Variants in WWOX observed in about 807,000 individuals in gnomAD.
The protein encoded by WWOX is WW domain containing oxidoreductase.
A neutral mutation model predicts 46.2 loss-of-function variants in WWOX; 69 were observed. The observed-to-expected ratio is 1.49, with a 90% CI of 1.23 to 1.82. The LOEUF (loss-of-function observed/expected upper bound fraction) is 1.82. Ranked by LOEUF, WWOX falls within the 40% of genes most tolerant of loss-of-function variation. The pLI is 0.00. For synonymous variants in WWOX, 359 were observed against 202.6 expected (o/e 1.77, Z -6.56); for missense variants, 919 against 542.6 (o/e 1.69, Z -6.89).
chr16:78,972,444 C>G (rs1597223373), intron 8 of WWOX, among the ~76,000 whole-genome samples: 1 of 145,242 alleles, frequency 6.9e-6, no homozygotes, highest in Non-Finnish European at 1.5e-5. Context: ...GAAATAGTCA[C>G]TGGAAGGAAG....
At chr16:79,159,982 G>T (rs897777475) in intron 8 of WWOX, among the ~76,000 whole-genome samples, 1 of 152,132 alleles carries the variant, frequency 6.6e-6, no homozygotes, top group Non-Finnish European at 1.5e-5. Flanking sequence ...GGGGCTTTGG[G>T]ATTTGGGGCT....
intron 8 of WWOX, among the ~76,000 whole-genome samples, chr16:78,827,682 A>T (rs12447490): frequency 0.13 from 19,681 of 151,666 alleles, 1,516 homozygotes; most frequent in Non-Finnish European, 0.18. Context: ...AAAATAAAAA[A>T]AAAAAAAAAT....
rs1455120637 is a variant in WWOX at position 78,207,701 on chromosome 16, C to A, written c.516+43412C>A. Among the ~76,000 whole-genome samples the A allele has an allele frequency of 3.4e-5, 5 of 146,216 alleles. 1 individual carries two copies. In the East Asian group the frequency reaches 1.0e-3, roughly 30 times the overall value. ...GTGCATTGCTGGGATGATGAGGCTG[C>A]AGTGGGCTGTGATTGTGCCACTGCA... On this transcript the variant is annotated intron_variant, in intron 5 of 8. Coordinates refer to ENST00000566780, the MANE Select transcript of WWOX (RefSeq NM_016373.4).
intron 8 of WWOX, among the ~76,000 whole-genome samples, chr16:78,640,151 G>T (rs2046668058): frequency 6.6e-6 from 1 of 151,080 alleles, no homozygotes; most frequent in South Asian, 2.1e-4. Flanking sequence ...GAGGCCGATA[G>T]AGAGTGTCTG....
At chr16:78,604,384 T>C (rs1236177625) in intron 8 of WWOX, among the ~76,000 whole-genome samples, 2 of 152,100 alleles carry the variant, frequency 1.3e-5, no homozygotes, top group African/African-American at 2.4e-5. Context: ...CCCTCGTTTA[T>C]TCAGCAAATA....
chr16:78,665,122 G>T (rs969029367), intron 8 of WWOX, among the ~76,000 whole-genome samples: 1 of 152,190 alleles, frequency 6.6e-6, no homozygotes, highest in South Asian at 2.1e-4. Flanking sequence ...AGATAGCAGA[G>T]CCCGGGGCTT....
intron 4 of WWOX, among the ~76,000 whole-genome samples, chr16:78,133,835 G>C (rs1392280332): frequency 6.6e-6 from 1 of 152,228 alleles, no homozygotes; most frequent in South Asian, 2.1e-4. Context: ...AAAAGCAAGG[G>C]AGATACCTGC....
intron 8 of WWOX, among the ~76,000 whole-genome samples, chr16:78,894,018 CTTT>C (rs1156813849): frequency 1.5e-4 from 5 of 33,722 alleles, no homozygotes; most frequent in Non-Finnish European, 1.5e-4. Flanking sequence ...TTTATTGAGG[CTTT>C]TATTATTATT....
At chr16:78,654,741 A>C (rs1266164388) in intron 8 of WWOX, among the ~76,000 whole-genome samples, 9 of 151,874 alleles carry the variant, frequency 5.9e-5, no homozygotes, top group Admixed American at 5.9e-4. Context: ...AATTTTTTTA[A>C]CCTTTCTTAA....
At chr16:78,733,496 C>G (rs916821011) in intron 8 of WWOX, among the ~76,000 whole-genome samples, 1 of 151,386 alleles carries the variant, frequency 6.6e-6, no homozygotes, top group Non-Finnish European at 1.5e-5. Flanking sequence ...GCCTGTAATC[C>G]CAGCACTCTG....
intron 8 of WWOX, among the ~76,000 whole-genome samples, chr16:78,965,635 G>A (rs760306436): frequency 3.3e-5 from 5 of 151,662 alleles, no homozygotes; most frequent in African/African-American, 1.2e-4. Flanking sequence ...GAAGATTCTG[G>A]CACTGTTAGC....
intron 8 of WWOX, among the ~76,000 whole-genome samples, chr16:79,132,754 A>C (rs1299992583): frequency 6.6e-6 from 1 of 152,266 alleles, no homozygotes; most frequent in Non-Finnish European, 1.5e-5. Flanking sequence ...AAGCCTCTTT[A>C]ATTCTAAATT....
In WWOX at chr16:79,029,456, T is replaced by G. The variant is rs1226523979; in HGVS notation, c.1057-182152T>G. 2.6e-5 allele frequency among the ~76,000 whole-genome samples: 4 copies of G among 152,336 alleles called. No individual in the cohort carries two copies. In the South Asian group the frequency reaches 8.3e-4, roughly 32 times the overall value. On this transcript the variant is annotated intron_variant, in intron 8 of 8. Coordinates refer to ENST00000566780, the MANE Select transcript of WWOX (RefSeq NM_016373.4). The stretch of plus-strand genomic sequence containing the variant: ...TAAAGGGTTCTGATGTGTGATAAAT[T>G]TATTTAGCTATTACTCATCTGAAGT...
chr16:78,235,737 C>G (rs1253682858), intron 5 of WWOX, among the ~76,000 whole-genome samples: 1 of 152,160 alleles, frequency 6.6e-6, no homozygotes, highest in African/African-American at 2.4e-5. Context: ...GCTGTCCTCA[C>G]GTCATGGGCG....
intron 8 of WWOX, among the ~76,000 whole-genome samples, chr16:78,600,854 G>A (rs192811463): frequency 5.3e-5 from 8 of 152,216 alleles, no homozygotes; most frequent in South Asian, 2.1e-4. Context: ...GGTGACTCAC[G>A]CCTAGAATCC....
At chr16:78,949,584 G>C (rs2046017358) in intron 8 of WWOX, among the ~76,000 whole-genome samples, 1 of 152,324 alleles carries the variant, frequency 6.6e-6, no homozygotes, top group East Asian at 1.9e-4. Flanking sequence ...ATGTCATGCT[G>C]TACTACTTTT....
At chr16:78,496,269 C>T (rs575688602) in intron 8 of WWOX, 2 of 152,230 alleles carry the variant, frequency 1.3e-5, no homozygotes, top group Non-Finnish European at 2.9e-5. Context: ...TTTCATTTTC[C>T]CGTTGCTTAA....
chr16:78,825,656 G>C (rs2051632638), intron 8 of WWOX: 1 of 525,086 alleles, frequency 1.9e-6, no homozygotes, highest in African/African-American at 1.9e-5. Flanking sequence ...GGTTCATCAT[G>C]AATAGGGGGG....
chr16:78,270,072 A>T (rs1314764440), intron 5 of WWOX: 1 of 152,034 alleles, frequency 6.6e-6, no homozygotes, highest in Non-Finnish European at 1.5e-5. Flanking sequence ...CTGGTATTTG[A>T]TGTTAAGCCT....
Sources: allele counts gnomAD v4.1 joint callset (sites outside exome capture counted in the v4.1 genomes callset), GRCh38; gene constraint gnomAD v4.1.1; transcripts MANE v1.5; gene names NCBI Gene and HGNC (gene_info 2026-07-23, HGNC 2026-07-21).